The following SLC1A1 variants were observed in gnomAD, a reference collection of about 807,000 sequenced individuals.
SLC1A1 encodes the protein excitatory amino acid transporter 3.
SLC1A1 carries 43 observed loss-of-function variants against 53.3 expected under a neutral mutation model. The observed-to-expected ratio is 0.81, with a 90% CI of 0.63 to 1.04. SLC1A1 has a LOEUF of 1.04. Ranked by LOEUF, SLC1A1 falls within the 50% of genes least tolerant of loss-of-function variation. The pLI, the probability that SLC1A1 is intolerant of heterozygous loss-of-function variation, is 0.00. For missense variants in SLC1A1, 748 were observed against 664.9 expected (o/e 1.12, Z -1.37); for synonymous variants, 307 against 243.2 (o/e 1.26, Z -2.44).
At chr9:4,561,763 C>T (rs775610597) in intron 3 of SLC1A1, among the ~76,000 whole-genome samples, 25 of 152,168 alleles carry the variant, frequency 1.6e-4, no homozygotes, top group Middle Eastern at 3.4e-3. Flanking sequence ...TGGTAACATG[C>T]GCCTGTAGTC....
chr9:4,574,925 A>G (rs984271535), intron 8 of SLC1A1, among the ~76,000 whole-genome samples: 5 of 152,164 alleles, frequency 3.3e-5, no homozygotes, highest in African/African-American at 9.7e-5. Context: ...TTTGGTCCCT[A>G]CAGTGTGAGG....
At position 4,583,357 on chromosome 9, in the gene SLC1A1, C is replaced by G. The variant is rs1422575223; in HGVS notation, c.1328+185C>G. On this transcript the variant is annotated intron_variant, in intron 11 of 11. Transcript: ENST00000262352. This position sits in a 1 kb window ranked among gnomAD's most constrained non-coding sequence, Gnocchi z 4.6. ...AAAATTAACTCCTCATAACGTGGAG[C>G]AGTGATTTTAAAAAGCCGGTGAGCT... 6.6e-6 allele frequency among the ~76,000 whole-genome samples: 1 copy of G among 152,154 alleles called. No homozygotes were observed. The highest frequency in any genetic ancestry group is 6.5e-5 in the Admixed American group (1 of 15,272).
intron 1 of SLC1A1, among the ~76,000 whole-genome samples, chr9:4,523,494 C>G (rs1816157379): frequency 6.6e-6 from 1 of 151,846 alleles, no homozygotes; most frequent in African/African-American, 2.4e-5. Flanking sequence ...ATTTATAGAA[C>G]AAAAGTTAAT....
intron 5 of SLC1A1, among the ~76,000 whole-genome samples, chr9:4,566,857 T>C (rs537074210): frequency 6.6e-6 from 1 of 152,336 alleles, no homozygotes; most frequent in African/African-American, 2.4e-5. Context: ...TTAAGACAGC[T>C]GAGTCCATCA....
At position 4,576,071 on chromosome 9, in the gene SLC1A1, T is replaced by A; in HGVS notation, c.946T>A (p.Phe316Ile). Reference protein sequence around the residue: ...FIVVRKNPFRFAMGMAQALLT... With the variant: ...FIVVRKNPFRIAMGMAQALLT... Reference sequence around the variant, plus strand: ...AGTCGTACGAAAGAACCCTTTCCGATTTGCCATGGGAATGGCCCAGGCTCT... The same window carrying A: ...AGTCGTACGAAAGAACCCTTTCCGAATTGCCATGGGAATGGCCCAGGCTCT... Residue 316 changes from phenylalanine to isoleucine, a missense_variant, in exon 9 of 12, where the codon TTT becomes ATT. By Grantham distance (21) the Phe-to-Ile change is conservative (BLOSUM62 0). Transcript: ENST00000262352. 6.2e-7 allele frequency: 1 copy of A among 1,613,914 alleles called. No individual in the cohort carries two copies. Among genetic ancestry groups the A allele is most frequent in the Non-Finnish European group, 8.5e-7 (1 of 1,179,742 alleles).
chr9:4,545,497 A>C (rs1314652078), intron 2 of SLC1A1, among the ~76,000 whole-genome samples: 1 of 152,238 alleles, frequency 6.6e-6, no homozygotes, highest in East Asian at 1.9e-4. Flanking sequence ...TCATGTTTTC[A>C]GCCATTCACT....
intron 1 of SLC1A1, among the ~76,000 whole-genome samples, chr9:4,506,543 T>A (rs1820815455): frequency 6.6e-6 from 1 of 151,388 alleles, no homozygotes; most frequent in African/African-American, 2.4e-5. Context: ...TATTTTCCAA[T>A]AATCTCCAAC....
intron 1 of SLC1A1, among the ~76,000 whole-genome samples, chr9:4,495,856 T>G (rs1278370685): frequency 1.3e-5 from 2 of 152,094 alleles, no homozygotes; most frequent in African/African-American, 4.8e-5. Flanking sequence ...AGGCAGTGGC[T>G]ATCTCCAGCA....
chr9:4,492,158 T>C (rs760645092), intron 1 of SLC1A1, among the ~76,000 whole-genome samples: 2 of 152,174 alleles, frequency 1.3e-5, no homozygotes, highest in Non-Finnish European at 2.9e-5. Context: ...ACTTTTTTTT[T>C]TCGGTTTTGA....
intron 1 of SLC1A1, among the ~76,000 whole-genome samples, chr9:4,510,493 T>C (rs542997374): frequency 1.3e-5 from 2 of 152,200 alleles, no homozygotes; most frequent in Non-Finnish European, 2.9e-5. Flanking sequence ...ATAAAATTTA[T>C]GGCTCAGATA....
intron 1 of SLC1A1, among the ~76,000 whole-genome samples, chr9:4,494,484 G>A (rs967724950): frequency 1.1e-4 from 17 of 151,944 alleles, no homozygotes; most frequent in South Asian, 1.0e-3. Flanking sequence ...TTAGTGTCCC[G>A]CCTATAATTT....
chr9:4,569,104 C>T (rs1819782236), intron 6 of SLC1A1, among the ~76,000 whole-genome samples: 1 of 152,058 alleles, frequency 6.6e-6, no homozygotes, highest in Non-Finnish European at 1.5e-5. Flanking sequence ...GTTGCCTCTA[C>T]CTCTCTGGGT....
intron 2 of SLC1A1, among the ~76,000 whole-genome samples, chr9:4,545,220 C>CTCTCTCTCTCTCTCA (rs1817386642): frequency 2.9e-5 from 1 of 34,770 alleles, no homozygotes; most frequent in Non-Finnish European, 7.2e-5. Context: ...TCTCTCTCTC[C>CTCTCTCTCTCTCTCA]ACCTCTCTCC....
intron 1 of SLC1A1, among the ~76,000 whole-genome samples, chr9:4,505,910 G>A (rs1377914015): frequency 1.3e-5 from 2 of 152,136 alleles, no homozygotes; most frequent in African/African-American, 2.4e-5. Context: ...TGCAACCTCC[G>A]CCTTCCGAGT....
At chr9:4,570,062 C>G (rs531621530) in intron 6 of SLC1A1, among the ~76,000 whole-genome samples, 4 of 152,274 alleles carry the variant, frequency 2.6e-5, no homozygotes, top group South Asian at 4.1e-4. Flanking sequence ...ATCGTTTTTG[C>G]CTTTGCTTGC....
At chr9:4,550,565 T>C (rs928161347) in intron 2 of SLC1A1, among the ~76,000 whole-genome samples, 1 of 152,126 alleles carries the variant, frequency 6.6e-6, no homozygotes, top group Non-Finnish European at 1.5e-5. Flanking sequence ...GGCTAATTCT[T>C]ACTTTTGTCG....
chr9:4,568,579 G>C (rs1296334359), intron 6 of SLC1A1, among the ~76,000 whole-genome samples: 1 of 151,900 alleles, frequency 6.6e-6, no homozygotes, highest in Non-Finnish European at 1.5e-5. Flanking sequence ...ATATTACCCA[G>C]GTGTGGTGGC....
chr9:4,552,886 A>T (rs886198732), intron 2 of SLC1A1, among the ~76,000 whole-genome samples: 5 of 151,968 alleles, frequency 3.3e-5, no homozygotes, highest in African/African-American at 1.2e-4. Flanking sequence ...CTGGCAGCAG[A>T]ATCTACAGGG....
At chr9:4,577,656 A>G (rs1212309856) in intron 10 of SLC1A1, among the ~76,000 whole-genome samples, 3 of 152,056 alleles carry the variant, frequency 2.0e-5, no homozygotes, top group Non-Finnish European at 4.4e-5. Context: ...TTGAATTTTT[A>G]GTAGAGATGG....
Sources: gnomAD v4.1 joint callset for allele counts (sites outside exome capture counted in the v4.1 genomes callset) on GRCh38, gnomAD v4.1.1 for gene constraint, Gnocchi (gnomAD v3.1) non-coding constraint, MANE v1.5 for transcripts, NCBI Gene and HGNC (gene_info 2026-07-23, HGNC 2026-07-21) for gene names.